Variants in NBEA observed in about 807,000 individuals in gnomAD.
NBEA encodes neurobeachin, also known as lysosomal-trafficking regulator 2.
Under a neutral mutation model 343.4 loss-of-function variants are expected in NBEA, and 44 were observed. That is an observed-to-expected ratio of 0.13 (90% CI 0.10 to 0.16). NBEA has a LOEUF of 0.16. Among genes scored for constraint, NBEA ranks in the 10% least tolerant of loss-of-function variants. The pLI is 1.00. For synonymous variants in NBEA, 1,175 were observed against 1,238.7 expected, an observed-to-expected ratio of 0.95 and a Z score of 1.08; for missense variants, 2,555 against 3,631.3, an observed-to-expected ratio of 0.70 and a Z score of 7.62.
In NBEA at chr13:35,623,201, G is replaced by A. The variant is rs563789105; in HGVS notation, c.7450-4880G>A. On this transcript the variant is annotated intron_variant, in intron 48 of 58. Transcript: ENST00000379939. The stretch of plus-strand genomic sequence containing the variant: ...ATTTCTTTACATTTTTCCAATGTAA[G>A]TATTGTACTAAAAATCCCGTTTCAA... 1.7e-4 allele frequency among the ~76,000 whole-genome samples: 26 copies of A among 152,226 alleles called. No homozygotes were observed. In the East Asian group the frequency reaches 4.8e-3, roughly 28 times the overall value.
At position 35,159,939 on chromosome 13, in the gene NBEA, T is replaced by C. The variant is rs1417419961; in HGVS notation, c.3768T>C (p.Asp1256=). The part of the protein sequence containing the change: ...SSSSKIVPNI[D]AGSIISDTER... ...GTAGCAAAATTGTACCAAATATTGA[T>C]GCAGGAAGTATAATTTCAGATACTG... Residue 1256 remains aspartate (D), a synonymous_variant, in exon 22 of 59, where the codon GAT becomes GAC. Coordinates refer to ENST00000379939, the MANE Select transcript of NBEA (RefSeq NM_001385012.1). 1.3e-6 allele frequency: 2 copies of C among 1,593,748 alleles called. No individual in the cohort carries two copies. The highest frequency in any genetic ancestry group is 1.3e-5 in the African/African-American group (1 of 74,566).
intron 1 of NBEA, among the ~76,000 whole-genome samples, chr13:34,958,224 AT>A (rs1364344132): frequency 5.3e-5 from 8 of 152,100 alleles, no homozygotes; most frequent in African/African-American, 1.9e-4. Context: ...TTTAGATAGC[AT>A]TGTTCTAACT....
intron 10 of NBEA, among the ~76,000 whole-genome samples, chr13:35,087,688 C>T (rs1208502632): frequency 6.6e-6 from 1 of 151,684 alleles, no homozygotes; most frequent in Non-Finnish European, 1.5e-5. Context: ...CATTACAGCC[C>T]AAAAGTAGAC....
At chr13:35,088,892 T>C (rs2064915993) in intron 10 of NBEA, among the ~76,000 whole-genome samples, 1 of 144,204 alleles carries the variant, frequency 6.9e-6, no homozygotes, top group Admixed American at 7.1e-5. Flanking sequence ...TCCTTACACC[T>C]TATACAAAAA....
At position 35,436,485 on chromosome 13, in the gene NBEA, T is replaced by C. The variant is rs577413480; in HGVS notation, c.6304+4092T>C. 4.3e-3 allele frequency among the ~76,000 whole-genome samples: 648 copies of C among 151,962 alleles called. 4 individuals carry two copies. Among genetic ancestry groups the C allele is most frequent in the African/African-American group, 0.015 (626 of 41,470 alleles). ...CAGCACTTTGGGAGGCTGAGGCGGG[T>C]GGATCACGAGGTCAGGAGATCAAGA... On this transcript the variant is annotated intron_variant, in intron 39 of 58. Transcript: ENST00000379939.
At chr13:35,418,597 G>T (rs1402320627) in intron 38 of NBEA, among the ~76,000 whole-genome samples, 1 of 152,028 alleles carries the variant, frequency 6.6e-6, no homozygotes, top group African/African-American at 2.4e-5. Flanking sequence ...ACCATAGAAA[G>T]AAGGATGGAA....
chr13:35,309,640 C>A, intron 36 of NBEA, 48 bp downstream of exon 36: 3 of 1,072,164 alleles, frequency 2.8e-6, no homozygotes, highest in Non-Finnish European at 4.0e-6. Flanking sequence ...ACATTTTATT[C>A]CACTGGGCAA....
intron 13 of NBEA, among the ~76,000 whole-genome samples, chr13:35,114,813 A>T (rs2066413395): frequency 6.6e-6 from 1 of 152,178 alleles, no homozygotes; most frequent in Admixed American, 6.5e-5. Context: ...CTTTGAAATT[A>T]ATTTTGTTAT....
At chr13:35,649,070 C>G (rs2084386633) in intron 51 of NBEA, among the ~76,000 whole-genome samples, 1 of 152,108 alleles carries the variant, frequency 6.6e-6, no homozygotes, top group East Asian at 1.9e-4. Context: ...CCTCCATAAG[C>G]TCCCAGCCTA....
chr13:35,662,534 A>G (rs2085147084), intron 55 of NBEA, among the ~76,000 whole-genome samples: 1 of 152,208 alleles, frequency 6.6e-6, no homozygotes, highest in Non-Finnish European at 1.5e-5. Context: ...AGGTTTCCCA[A>G]CTCAGAAAGC....
At chr13:35,209,222 G>C (rs2073603298) in intron 32 of NBEA, among the ~76,000 whole-genome samples, 1 of 152,134 alleles carries the variant, frequency 6.6e-6, no homozygotes, top group African/African-American at 2.4e-5. Context: ...AAAAATGTTA[G>C]TGACAGAAAG....
At chr13:34,998,489 C>T (rs1015536565) in intron 1 of NBEA, among the ~76,000 whole-genome samples, 14 of 152,092 alleles carry the variant, frequency 9.2e-5, no homozygotes, top group African/African-American at 2.9e-4. Flanking sequence ...TATTTCATCC[C>T]ACAGCTAAGA....
intron 34 of NBEA, among the ~76,000 whole-genome samples, chr13:35,256,351 T>C (rs1593960022): frequency 1.3e-5 from 2 of 152,274 alleles, no homozygotes; most frequent in Admixed American, 6.5e-5. Flanking sequence ...CTGGGGTCTT[T>C]ATGGGCTCAG....
intron 38 of NBEA, among the ~76,000 whole-genome samples, chr13:35,429,668 T>G (rs867309750): frequency 6.6e-6 from 1 of 152,096 alleles, no homozygotes; most frequent in Non-Finnish European, 1.5e-5. Context: ...CAGTATTTGG[T>G]TATGTGAATA....
At chr13:35,226,828 T>G (rs1234001445) in intron 33 of NBEA, among the ~76,000 whole-genome samples, 1 of 152,050 alleles carries the variant, frequency 6.6e-6, no homozygotes, top group Non-Finnish European at 1.5e-5. Flanking sequence ...TCTGAATTCC[T>G]GGGCTCAAGT....
rs757059677 is a variant in NBEA, at chr13:35,161,972, A to T, written c.4079+5A>T. On this transcript the variant is annotated splice_donor_5th_base_variant and intron_variant, in intron 23 of 58. Coordinates refer to ENST00000379939, the MANE Select transcript of NBEA (RefSeq NM_001385012.1). ...TGATGTACATGTTTGGAGGAGGTAG[A>T]AATATTTCTTTTTTATAAATTAAAA... The T allele has an allele frequency of 2.0e-6, 3 of 1,534,004 alleles. No individual in the cohort carries two copies.
At chr13:35,406,227 A>G (rs1338158984) in intron 38 of NBEA, among the ~76,000 whole-genome samples, 1 of 151,980 alleles carries the variant, frequency 6.6e-6, no homozygotes, top group Non-Finnish European at 1.5e-5. Context: ...AAGTGAAAAA[A>G]TATACTCATT....
chr13:35,220,191 C>A (rs2074287321), intron 33 of NBEA, among the ~76,000 whole-genome samples: 1 of 152,134 alleles, frequency 6.6e-6, no homozygotes, highest in Non-Finnish European at 1.5e-5. Context: ...CATACATGTA[C>A]ATATGTATGC....
chr13:35,512,257 G>A (rs964553152), intron 41 of NBEA, among the ~76,000 whole-genome samples: 3 of 152,136 alleles, frequency 2.0e-5, no homozygotes, highest in Non-Finnish European at 2.9e-5. Flanking sequence ...ATTTTTTGAG[G>A]ATTACCTGAT....
Sources: allele counts gnomAD v4.1 joint callset (sites outside exome capture counted in the v4.1 genomes callset), GRCh38; gene constraint gnomAD v4.1.1; transcripts MANE v1.5; gene names NCBI Gene and HGNC (gene_info 2026-07-23, HGNC 2026-07-21).